Variants in GRIA1 observed in about 807,000 individuals in gnomAD.
The protein encoded by GRIA1 is glutamate ionotropic receptor AMPA type subunit 1.
Under a neutral mutation model 99.2 loss-of-function variants are expected in GRIA1, and 31 were observed. The ratio of observed to expected loss-of-function variants is 0.31; its 90% CI spans 0.23 to 0.42. The LOEUF (loss-of-function observed/expected upper bound fraction) is 0.42. Ranked by LOEUF, GRIA1 falls within the 10% of genes least tolerant of loss-of-function variation. GRIA1 has a pLI of 1.00. For missense variants in GRIA1, 782 were observed against 1,157.5 expected (o/e 0.68, Z 4.71); for synonymous variants, 438 against 432.4 (o/e 1.01, Z -0.16).
intron 2 of GRIA1, among the ~76,000 whole-genome samples, chr5:153,645,104 A>AT (rs1754049102): frequency 6.6e-6 from 1 of 152,068 alleles, no homozygotes; most frequent in South Asian, 2.1e-4. Flanking sequence ...TAGAGAAGTG[A>AT]TTTTGTCACT....
intron 2 of GRIA1, among the ~76,000 whole-genome samples, chr5:153,567,731 A>G (rs1393852905): frequency 6.6e-6 from 1 of 152,220 alleles, no homozygotes; most frequent in Non-Finnish European, 1.5e-5. Context: ...CATTCAAGAT[A>G]GATGGTAAAT....
chr5:153,750,784 C>T (rs148480775), intron 11 of GRIA1, among the ~76,000 whole-genome samples: 66 of 152,178 alleles, frequency 4.3e-4, no homozygotes, highest in Non-Finnish European at 7.1e-4. Flanking sequence ...ATGAGTACAA[C>T]CATTACTCCA....
intron 2 of GRIA1, among the ~76,000 whole-genome samples, chr5:153,607,053 A>G (rs1194648847): frequency 6.8e-6 from 1 of 146,258 alleles, no homozygotes; most frequent in African/African-American, 2.5e-5. Context: ...ATATATATAT[A>G]TATATATATA....
intron 14 of GRIA1, chr5:153,795,577 A>G: frequency 6.2e-7 from 1 of 1,602,328 alleles, no homozygotes; most frequent in Non-Finnish European, 8.5e-7. Flanking sequence ...GGAAGCAAGG[A>G]CTCCGGAAGT....
chr5:153,680,479 T>C (rs10061287), intron 7 of GRIA1, among the ~76,000 whole-genome samples: 22,004 of 152,124 alleles, frequency 0.14, 1,691 homozygotes, highest in South Asian at 0.19. Context: ...AAAAGAAATC[T>C]GTAGATTCTT....
At chr5:153,718,789 T>C (rs1214633759) in intron 11 of GRIA1, among the ~76,000 whole-genome samples, 1 of 152,158 alleles carries the variant, frequency 6.6e-6, no homozygotes, top group South Asian at 2.1e-4. Flanking sequence ...CATCTCCTTA[T>C]CTGGCTGTGC....
chr5:153,714,927 G>GTT (rs998880698), intron 11 of GRIA1, among the ~76,000 whole-genome samples: 5 of 152,246 alleles, frequency 3.3e-5, no homozygotes, highest in African/African-American at 9.6e-5. Flanking sequence ...GACAGTCACT[G>GTT]TTTGCATCTA....
intron 2 of GRIA1, among the ~76,000 whole-genome samples, chr5:153,523,437 C>A (rs1757327135): frequency 6.6e-6 from 1 of 152,150 alleles, no homozygotes; most frequent in Non-Finnish European, 1.5e-5. Context: ...TCATTCAGGG[C>A]TGAACTTCCA....
At chr5:153,546,249 G>T (rs1198394884) in intron 2 of GRIA1, among the ~76,000 whole-genome samples, 1 of 152,174 alleles carries the variant, frequency 6.6e-6, no homozygotes, top group African/African-American at 2.4e-5. Flanking sequence ...TCAATCTAGA[G>T]GAATCATCAT....
rs781593854 is a variant in GRIA1, at chr5:153,494,007, G to T, written c.162G>T (p.Lys54Asn). 4 of 1,614,064 alleles carry T rather than the reference G, an allele frequency of 2.5e-6. No individual in the cohort carries two copies. Among genetic ancestry groups the T allele is most frequent in the Non-Finnish European group, 3.4e-6 (4 of 1,179,954 alleles). Residue 54 changes from lysine to asparagine, a missense_variant, in exon 2 of 16, where the codon AAG becomes AAT. This residue lies in a region of GRIA1 where 461 missense variants were observed against 521.7 expected (regional missense o/e 0.88). Coordinates refer to ENST00000285900, the MANE Select transcript of GRIA1 (RefSeq NM_000827.4). ...TGTCGCAACTCACAGAGCCCCCGAA[G>T]CTGCTCCCCCAGATTGATATTGTGA... ...FALSQLTEPP[K>N]LLPQIDIVNI... is the part of the protein sequence containing the mutation.
intron 1 of GRIA1, 48 bp downstream of exon 1, chr5:153,491,018 G>A: frequency 1.3e-6 from 2 of 1,552,572 alleles, no homozygotes. Context: ...TCTGGCCAGG[G>A]ATTTTTTTGG....
At chr5:153,535,636 A>G (rs1194465293) in intron 2 of GRIA1, among the ~76,000 whole-genome samples, 1 of 152,226 alleles carries the variant, frequency 6.6e-6, no homozygotes, top group Non-Finnish European at 1.5e-5. Flanking sequence ...AGTTGGCACT[A>G]TTAGGCATCC....
chr5:153,632,624 C>T (rs7737904), intron 2 of GRIA1, among the ~76,000 whole-genome samples: 8,359 of 152,174 alleles, frequency 0.055, 256 homozygotes, highest in African/African-American at 0.073. Context: ...CTTATTCCTT[C>T]ACTTGATCCT....
At chr5:153,781,888 C>T (rs1173431500) in intron 13 of GRIA1, among the ~76,000 whole-genome samples, 1 of 152,188 alleles carries the variant, frequency 6.6e-6, no homozygotes, top group Non-Finnish European at 1.5e-5. Context: ...GACATTAGCA[C>T]TTCCAAGATT....
intron 11 of GRIA1, among the ~76,000 whole-genome samples, chr5:153,756,974 C>A (rs1762874499): frequency 6.6e-6 from 1 of 152,034 alleles, no homozygotes; most frequent in South Asian, 2.1e-4. Context: ...AAACATGACA[C>A]CAATGAGGGA....
At chr5:153,623,467 G>A (rs1353599794) in intron 2 of GRIA1, among the ~76,000 whole-genome samples, 1 of 152,094 alleles carries the variant, frequency 6.6e-6, no homozygotes, top group Non-Finnish European at 1.5e-5. Context: ...AGCCCAGGAT[G>A]GAGCATTCAG....
In GRIA1 at chr5:153,803,532, G is replaced by A. The variant is rs561739010; in HGVS notation, c.2520+1042G>A. ...GGCAATCTATGGCATAGATAGGAAG[G>A]CCTACAGGAATTTAGAGAAGAAAGA... On this transcript the variant is annotated intron_variant, in intron 15 of 15. Transcript: ENST00000285900. Among the ~76,000 whole-genome samples the A allele has an allele frequency of 1.6e-4, 24 of 152,292 alleles. No homozygotes were observed. In the South Asian group the frequency reaches 5.0e-3, roughly 32 times the overall value.
At chr5:153,695,517 T>A (rs900678364) in intron 8 of GRIA1, among the ~76,000 whole-genome samples, 1 of 152,174 alleles carries the variant, frequency 6.6e-6, no homozygotes, top group Admixed American at 6.5e-5. Flanking sequence ...CTCTTAGGGT[T>A]CCCTAGAACA....
intron 2 of GRIA1, among the ~76,000 whole-genome samples, chr5:153,555,467 T>C (rs2149346156): frequency 6.6e-6 from 1 of 152,318 alleles, no homozygotes; most frequent in Non-Finnish European, 1.5e-5. Flanking sequence ...TCAACCTTAA[T>C]ATGTTTTTGA....
Sources: allele counts gnomAD v4.1 joint callset (sites outside exome capture counted in the v4.1 genomes callset), GRCh38; gene constraint gnomAD v4.1.1; regional missense constraint gnomAD v4.1.1; transcripts MANE v1.5; gene names NCBI Gene and HGNC (gene_info 2026-07-23, HGNC 2026-07-21).